The following GUCY1B1 variants were observed in gnomAD, a reference collection of about 807,000 sequenced individuals.
GUCY1B1 encodes guanylate cyclase 1 soluble subunit beta 1.
GUCY1B1 carries 43 observed loss-of-function variants against 71.0 expected under a neutral mutation model. The ratio of observed to expected loss-of-function variants is 0.61; its 90% CI spans 0.47 to 0.78. GUCY1B1 has a LOEUF of 0.78. Ranked by LOEUF, GUCY1B1 falls within the 30% of genes least tolerant of loss-of-function variation. The pLI is 0.00. For synonymous variants in GUCY1B1, 266 were observed against 259.7 expected (o/e 1.02, Z -0.23); for missense variants, 535 against 754.1 (o/e 0.71, Z 3.40).
chr4:155,783,461 A>C (rs1738569311), intron 4 of GUCY1B1, among the ~76,000 whole-genome samples: 2 of 152,228 alleles, frequency 1.3e-5, no homozygotes, highest in South Asian at 4.1e-4. Flanking sequence ...ACTCAGGTGA[A>C]TAGTTAGATC....
intron 4 of GUCY1B1, among the ~76,000 whole-genome samples, chr4:155,786,261 G>A: frequency 7.6e-6 from 1 of 130,954 alleles, no homozygotes; most frequent in African/African-American, 2.9e-5. Context: ...TTATTGTTTG[G>A]TTCAATTTCC....
intron 11 of GUCY1B1, 60 bp downstream of exon 11, chr4:155,803,824 C>G: frequency 8.7e-7 from 1 of 1,144,532 alleles, no homozygotes; most frequent in Non-Finnish European, 1.2e-6. Flanking sequence ...ACAATTGATT[C>G]ATATCGTTGT....
intron 5 of GUCY1B1, 61 bp from the exon 6 acceptor site, chr4:155,793,795 T>C (rs994066241): frequency 2.2e-4 from 166 of 751,394 alleles, no homozygotes; most frequent in Middle Eastern, 6.6e-4. Context: ...TTTTTATATT[T>C]AGGTATTTTT....
At chr4:155,773,758 G>A (rs1286825840) in intron 2 of GUCY1B1, among the ~76,000 whole-genome samples, 1 of 152,106 alleles carries the variant, frequency 6.6e-6, no homozygotes, top group Non-Finnish European at 1.5e-5. Context: ...ATATGAGTTT[G>A]AGGCATTTCT....
intron 5 of GUCY1B1, among the ~76,000 whole-genome samples, chr4:155,791,361 C>G (rs1272920223): frequency 1.3e-5 from 2 of 150,424 alleles, no homozygotes; most frequent in South Asian, 4.2e-4. Context: ...ATGATCCGCC[C>G]GGCTCGGCCT....
At chr4:155,779,176 C>T (rs1222934073) in intron 4 of GUCY1B1, among the ~76,000 whole-genome samples, 1 of 152,082 alleles carries the variant, frequency 6.6e-6, no homozygotes, top group African/African-American at 2.4e-5. Context: ...GTCCCAGCTA[C>T]TTGGAGGCTG....
At chr4:155,759,712 G>T (rs1345628844) in intron 1 of GUCY1B1, 75 bp from the exon 2 acceptor site, 1 of 1,035,174 alleles carries the variant, frequency 9.7e-7, no homozygotes, top group South Asian at 1.3e-5. Flanking sequence ...GGGAGCAGAG[G>T]CAGCAGCCTC....
chr4:155,767,950 A>T (rs1316867148), intron 2 of GUCY1B1, among the ~76,000 whole-genome samples: 1 of 152,160 alleles, frequency 6.6e-6, no homozygotes, highest in Admixed American at 6.6e-5. Context: ...GCTCACTACA[A>T]TGGACCATTC....
chr4:155,803,730 C>T lies in GUCY1B1; in HGVS notation c.1520C>T (p.Ala507Val). The T allele has an allele frequency of 6.3e-7, 1 of 1,599,276 alleles. No individual in the cohort carries two copies. The highest frequency in any genetic ancestry group is 1.7e-5 in the Admixed American group (1 of 57,804). ...CHLALDMMEI[A>V]GQVQVDGESV... ...CTGGCCTTGGACATGATGGAAATTG[C>T]TGGCCAGGTTCAAGTAGATGGTGAA... Residue 507 changes from alanine to valine, a missense_variant, in exon 11 of 14, where the codon GCT becomes GTT. Transcript: ENST00000264424.
chr4:155,765,142 C>A (rs1737245268), intron 2 of GUCY1B1, among the ~76,000 whole-genome samples: 1 of 152,030 alleles, frequency 6.6e-6, no homozygotes, highest in African/African-American at 2.4e-5. Flanking sequence ...TCTTAATGTA[C>A]CCAGATCTAG....
chr4:155,784,980 G>A (rs2111081770), intron 4 of GUCY1B1, among the ~76,000 whole-genome samples: 1 of 152,220 alleles, frequency 6.6e-6, no homozygotes, highest in East Asian at 1.9e-4. Context: ...AATCTGTGAA[G>A]TGTACTATGT....
At chr4:155,798,380 TTTTGAACG>T (rs921567336) in intron 8 of GUCY1B1, among the ~76,000 whole-genome samples, 2 of 152,166 alleles carry the variant, frequency 1.3e-5, no homozygotes, top group Non-Finnish European at 2.9e-5. Flanking sequence ...GACCATTCAT[TTTTGAACG>T]TACAATCATG....
intron 1 of GUCY1B1, 134 bp from the exon 2 acceptor site, chr4:155,759,653 C>A (rs1736823757): frequency 1.6e-6 from 1 of 639,570 alleles, no homozygotes; most frequent in South Asian, 1.9e-5. Context: ...GCATAGTACC[C>A]CTAAGGGAGA....
intron 2 of GUCY1B1, among the ~76,000 whole-genome samples, chr4:155,760,424 A>ACCC (rs1160982413): frequency 1.2e-5 from 1 of 82,832 alleles, no homozygotes; most frequent in Non-Finnish European, 2.4e-5. Flanking sequence ...CCCACTGCCC[A>ACCC]CCCCCCCCGC....
chr4:155,760,010 G>A (rs1384764458), intron 2 of GUCY1B1, 150 bp downstream of exon 2: 1 of 601,846 alleles, frequency 1.7e-6, no homozygotes, highest in Non-Finnish European at 2.9e-6. Context: ...CGCTGCAGCT[G>A]CGCTCCCACG....
chr4:155,803,592 A>G, intron 10 of GUCY1B1, 32 bp from the exon 11 acceptor site: 3 of 1,396,730 alleles, frequency 2.1e-6, no homozygotes, highest in Non-Finnish European at 2.8e-6. Flanking sequence ...TTTTTATGCT[A>G]ACCGTGAACA....
At chr4:155,759,599 C>A in intron 1 of GUCY1B1, 188 bp from the exon 2 acceptor site, 1 of 545,612 alleles carries the variant, frequency 1.8e-6, no homozygotes. Flanking sequence ...GGAGAATCCA[C>A]CAGGGATTGG....
chr4:155,777,405 G>T (rs775362919), intron 3 of GUCY1B1, 119 bp from the exon 4 acceptor site: 1 of 648,622 alleles, frequency 1.5e-6, no homozygotes. Context: ...ATCTATGCTT[G>T]CCATGCACAA....
chr4:155,802,672 C>A lies in GUCY1B1; in HGVS notation c.1413+93C>A. On this transcript the variant is annotated intron_variant, in intron 10 of 13. Transcript: ENST00000264424. This position sits in a 1 kb window ranked among gnomAD's most constrained non-coding sequence, Gnocchi z 4.3. Reference sequence around the variant, plus strand: ...GCCATGTCATCACAGCTCTCTGACTCCAGCACTGCAGCCTTGAGTACAGTG... The same window carrying A: ...GCCATGTCATCACAGCTCTCTGACTACAGCACTGCAGCCTTGAGTACAGTG... The A allele has an allele frequency of 1.8e-6, 2 of 1,083,988 alleles. No individual in the cohort carries two copies. Among genetic ancestry groups the A allele is most frequent in the South Asian group, 3.3e-5 (2 of 60,308 alleles). The allele number at this position is 1,083,988 out of a possible 1,614,324, so 67.1% of individuals were successfully genotyped here.
Sources: allele counts gnomAD v4.1 joint callset (sites outside exome capture counted in the v4.1 genomes callset), GRCh38; gene constraint gnomAD v4.1.1; non-coding constraint Gnocchi (gnomAD v3.1); transcripts MANE v1.5; gene names NCBI Gene and HGNC (gene_info 2026-07-23, HGNC 2026-07-21).